The following ENOPH1 variants were observed in gnomAD, a reference collection of about 807,000 sequenced individuals.
The protein encoded by ENOPH1 is enolase-phosphatase 1.
In ENOPH1, 14 loss-of-function variants were observed where a neutral mutation model predicts 31.1. The ratio of observed to expected loss-of-function variants is 0.45; its 90% confidence interval spans 0.30 to 0.70. The LOEUF is 0.70. Among genes scored for constraint, ENOPH1 ranks in the 30% least tolerant of loss-of-function variants. The pLI is 0.09. For synonymous variants in ENOPH1, 127 were observed against 123.2 expected, an observed-to-expected ratio of 1.03 and a Z score of -0.21; for missense variants, 243 against 321.5, an observed-to-expected ratio of 0.76 and a Z score of 1.87.
intron 3 of ENOPH1, among the ~76,000 whole-genome samples, chr4:82,453,688 C>CA (rs1305639617): frequency 6.6e-6 from 1 of 152,176 alleles, no homozygotes; most frequent in Admixed American, 6.5e-5. Flanking sequence ...TTAGAGATGA[C>CA]TGGTTCTACA....
intron 2 of ENOPH1, among the ~76,000 whole-genome samples, chr4:82,450,262 A>G (rs575270408): frequency 2.0e-5 from 3 of 152,334 alleles, no homozygotes; most frequent in Admixed American, 6.5e-5. Flanking sequence ...TCAATTTTCA[A>G]TTTTAAACCA....
intron 1 of ENOPH1, among the ~76,000 whole-genome samples, chr4:82,433,799 A>G (rs1301096643): frequency 1.3e-5 from 2 of 152,380 alleles, no homozygotes; most frequent in African/African-American, 4.8e-5. Flanking sequence ...CTTGAACAAA[A>G]AACTTTTAGT....
At chr4:82,444,934 G>A (rs1722141111) in intron 1 of ENOPH1, among the ~76,000 whole-genome samples, 1 of 152,164 alleles carries the variant, frequency 6.6e-6, no homozygotes, top group African/African-American at 2.4e-5. Context: ...AACATTTATT[G>A]TCAATGGGTA....
intron 1 of ENOPH1, among the ~76,000 whole-genome samples, chr4:82,438,800 T>G (rs747281900): frequency 1.3e-5 from 2 of 152,242 alleles, no homozygotes; most frequent in African/African-American, 2.4e-5. Flanking sequence ...AAGTGCTTAC[T>G]TCTTCTTTGT....
Position 82,448,241 on chromosome 4 carries a change from TTTTTGTTTTG to T in ENOPH1, c.186+235_186+244del, listed in dbSNP as rs1230782028. 6.0e-5 allele frequency among the ~76,000 whole-genome samples: 9 copies of T among 150,602 alleles called. No homozygotes were observed. In the East Asian group the frequency reaches 1.5e-3, roughly 26 times the overall value. ...TCTGGAGTTGCTCTTTGGTTGTTTT[TTTTTGTTTTG>T]TTTTGTTTTGTTTTTTTTGTTTTTT... is the stretch of plus-strand genomic sequence containing the variant. On this transcript the variant is annotated intron_variant, in intron 2 of 5. Transcript: ENST00000273920.
At chr4:82,432,743 G>C (rs569644201) in intron 1 of ENOPH1, among the ~76,000 whole-genome samples, 1 of 152,124 alleles carries the variant, frequency 6.6e-6, no homozygotes, top group Admixed American at 6.6e-5. Context: ...GGGTTCAAGC[G>C]ATTCTGGTGC....
At chr4:82,438,095 T>C (rs1221199677) in intron 1 of ENOPH1, among the ~76,000 whole-genome samples, 1 of 152,072 alleles carries the variant, frequency 6.6e-6, no homozygotes, top group Non-Finnish European at 1.5e-5. Context: ...AAAAGTGAAA[T>C]ATGTTATTTA....
chr4:82,442,730 C>G (rs1428999659), intron 1 of ENOPH1, among the ~76,000 whole-genome samples: 1 of 152,132 alleles, frequency 6.6e-6, no homozygotes, highest in East Asian at 1.9e-4. Flanking sequence ...GTTAAATATC[C>G]CCCCGATAGG....
At chr4:82,442,518 TCAAAAAAAC>T (rs1035995512) in intron 1 of ENOPH1, among the ~76,000 whole-genome samples, 6 of 151,456 alleles carry the variant, frequency 4.0e-5, no homozygotes, top group Admixed American at 1.3e-4. Flanking sequence ...AGACTCTGTC[TCAAAAAAAC>T]AAACAAAAAA....
chr4:82,433,887 G>A (rs1721838304), intron 1 of ENOPH1, among the ~76,000 whole-genome samples: 2 of 152,214 alleles, frequency 1.3e-5, no homozygotes. Flanking sequence ...AGCACGGAAA[G>A]GTTGAGCATG....
At chr4:82,446,421 C>CAAA (rs367842264) in intron 1 of ENOPH1, among the ~76,000 whole-genome samples, 13 of 142,508 alleles carry the variant, frequency 9.1e-5, no homozygotes, top group African/African-American at 2.0e-4. Context: ...GACTCCATCT[C>CAAA]AAAAAAAAAA....
At chr4:82,447,795 C>T in intron 1 of ENOPH1, 125 bp from the exon 2 acceptor site, 1 of 524,464 alleles carries the variant, frequency 1.9e-6, no homozygotes, top group South Asian at 3.3e-5. Context: ...ATATTCACAG[C>T]AGCAATTTTC....
In ENOPH1 at chr4:82,430,643, C is replaced by T. The variant is rs1470825469; in HGVS notation, c.-187C>T. 2 of 583,008 alleles carry T rather than the reference C, an allele frequency of 3.4e-6. No individual in the cohort carries two copies. Among genetic ancestry groups the T allele is most frequent in the East Asian group, 2.9e-5 (1 of 34,654 alleles). The allele number at this position is 583,008 out of a possible 1,614,324, so 36.1% of individuals were successfully genotyped here. On this transcript the variant is annotated 5_prime_UTR_variant, in exon 1 of 6. Transcript: ENST00000273920. The stretch of plus-strand genomic sequence containing the variant: ...CGAGTTCAGGGCTCCTGGGCGGCCG[C>T]CTTTTCCAGTTCCAGGTGTGCAGAA...
Position 82,430,637 on chromosome 4 carries a change from CG to C in ENOPH1, c.-191del, listed in dbSNP as rs1721707805. ...TGCTCACGAGTTCAGGGCTCCTGGG[CG>C]GCCGCCTTTTCCAGTTCCAGGTGTG... On this transcript the variant is annotated 5_prime_UTR_variant, in exon 1 of 6. Transcript: ENST00000273920. 1 of 576,084 alleles carries C rather than the reference CG, an allele frequency of 1.7e-6. No homozygotes were observed. Among genetic ancestry groups the C allele is most frequent in the African/African-American group, 1.9e-5 (1 of 52,194 alleles). 35.7% of individuals were successfully genotyped at this position (576,084 alleles called of 1,614,324 possible).
chr4:82,434,197 T>G (rs2110036092), intron 1 of ENOPH1, among the ~76,000 whole-genome samples: 1 of 152,358 alleles, frequency 6.6e-6, no homozygotes, highest in East Asian at 1.9e-4. Context: ...TGCTACTGTT[T>G]GTCCTGTCTC....
intron 1 of ENOPH1, among the ~76,000 whole-genome samples, chr4:82,437,916 A>T (rs1721948889): frequency 6.6e-6 from 1 of 152,162 alleles, no homozygotes; most frequent in Non-Finnish European, 1.5e-5. Flanking sequence ...GATTTCCTCA[A>T]GGTGGTACTC....
At chr4:82,448,682 G>A (rs903566587) in intron 2 of ENOPH1, among the ~76,000 whole-genome samples, 29 of 151,964 alleles carry the variant, frequency 1.9e-4, no homozygotes, top group Non-Finnish European at 3.7e-4. Context: ...AGCACTTTGG[G>A]AGGCCGAGGT....
At chr4:82,449,513 A>G (rs1000341381) in intron 2 of ENOPH1, among the ~76,000 whole-genome samples, 8 of 152,166 alleles carry the variant, frequency 5.3e-5, no homozygotes, top group Admixed American at 4.6e-4. Flanking sequence ...AGTCAGGAGC[A>G]AGAGAGTGGG....
At position 82,430,959 on chromosome 4, in the gene ENOPH1, G is replaced by A; in HGVS notation, c.84+46G>A. ...GGGATGTTACTTTTCCTTAAAAACA[G>A]TTATTATTTTTTCTAAGTATTTCAG... is the stretch of plus-strand genomic sequence containing the variant. On this transcript the variant is annotated intron_variant, in intron 1 of 5. Transcript: ENST00000273920. The A allele has an allele frequency of 1.9e-6, 3 of 1,561,514 alleles. No individual in the cohort carries two copies. The East Asian group carries it at 6.7e-5, about 35-fold the overall frequency.
Sources: gnomAD v4.1 joint callset for allele counts (sites outside exome capture counted in the v4.1 genomes callset) on GRCh38, gnomAD v4.1.1 for gene constraint, MANE v1.5 for transcripts, NCBI Gene and HGNC (gene_info 2026-07-23, HGNC 2026-07-21) for gene names.